The following ZBTB16 variants were observed in gnomAD, a reference collection of about 807,000 sequenced individuals.
ZBTB16 encodes the protein zinc finger and BTB domain containing 16, also known as zinc finger and BTB domain-containing protein 16.
A neutral mutation model predicts 56.8 loss-of-function variants in ZBTB16; 8 were observed. The ratio of observed to expected loss-of-function variants is 0.14; its 90% CI spans 0.08 to 0.25. The LOEUF (loss-of-function observed/expected upper bound fraction) is 0.25. ZBTB16 is among the 10% of genes least tolerant of loss of function. ZBTB16 has a pLI of 1.00. For missense variants in ZBTB16, 625 were observed against 903.0 expected, an observed-to-expected ratio of 0.69 and a Z score of 3.95; for synonymous variants, 363 against 368.5, an observed-to-expected ratio of 0.98 and a Z score of 0.17.
intron 2 of ZBTB16, among the ~76,000 whole-genome samples, chr11:114,084,017 G>A (rs902554738): frequency 3.9e-5 from 6 of 152,106 alleles, no homozygotes; most frequent in East Asian, 3.9e-4. Context: ...GCTTTAATCC[G>A]TTGGTGGAAG....
At chr11:114,138,944 GC>G (rs1374493350) in intron 2 of ZBTB16, among the ~76,000 whole-genome samples, 7 of 152,194 alleles carry the variant, frequency 4.6e-5, no homozygotes, top group Non-Finnish European at 8.8e-5. Context: ...ACCCGCTTCT[GC>G]CTCCCAAAGC....
rs148194400 is a variant in ZBTB16 at position 114,158,292 on chromosome 11, G to A, written c.1366+1858G>A. On this transcript the variant is annotated intron_variant, in intron 3 of 6. Coordinates refer to ENST00000335953, the MANE Select transcript of ZBTB16 (RefSeq NM_006006.6). ...CTTTGCCCTCTCAGCCGCAGTAAGCGTCCTTTCTTATTGCTCTTTCCTTGA... is the reference window on the plus strand; with the variant it reads ...CTTTGCCCTCTCAGCCGCAGTAAGCATCCTTTCTTATTGCTCTTTCCTTGA... 2.0e-3 allele frequency among the ~76,000 whole-genome samples: 301 copies of A among 152,222 alleles called. 1 individual carries two copies. Among genetic ancestry groups the A allele is most frequent in the Non-Finnish European group, 3.0e-3 (202 of 68,020 alleles).
chr11:114,109,657 A>G (rs934213654), intron 2 of ZBTB16, among the ~76,000 whole-genome samples: 2 of 151,064 alleles, frequency 1.3e-5, no homozygotes, highest in African/African-American at 4.9e-5. Flanking sequence ...AGGGATGAGC[A>G]ACTTGGGGGT....
chr11:114,134,457 A>G (rs1365611139), intron 2 of ZBTB16, among the ~76,000 whole-genome samples: 1 of 152,102 alleles, frequency 6.6e-6, no homozygotes, highest in Non-Finnish European at 1.5e-5. Flanking sequence ...TTAGAAGCTC[A>G]TTTGTCTCTT....
intron 2 of ZBTB16, among the ~76,000 whole-genome samples, chr11:114,118,065 T>A (rs238903): frequency 0.42 from 63,883 of 152,100 alleles, 13,582 homozygotes; most frequent in Admixed American, 0.48. Flanking sequence ...ACTGACTTAA[T>A]CACAGGACCC....
rs1441350415 is a variant in ZBTB16 at position 114,253,443 on chromosome 11, C to G, written c.*2888C>G. 2.0e-5 allele frequency among the ~76,000 whole-genome samples: 3 copies of G among 152,110 alleles called. No homozygotes were observed. The highest frequency in any genetic ancestry group is 4.4e-5 in the Non-Finnish European group (3 of 68,022). ...AAAAAATCCACCACCACCAAAATAT[C>G]CCTTTGTACATGTATGTGCGTGTGC... On this transcript the variant is annotated 3_prime_UTR_variant, in exon 7 of 7. Coordinates refer to ENST00000335953, the MANE Select transcript of ZBTB16 (RefSeq NM_006006.6).
intron 2 of ZBTB16, among the ~76,000 whole-genome samples, chr11:114,111,430 T>A (rs770097388): frequency 2.6e-5 from 4 of 152,060 alleles, no homozygotes; most frequent in Non-Finnish European, 5.9e-5. Context: ...TTTAAACCAA[T>A]AGAGAGAAAG....
intron 2 of ZBTB16, among the ~76,000 whole-genome samples, chr11:114,084,150 A>G (rs1025815308): frequency 4.6e-5 from 7 of 152,024 alleles, no homozygotes; most frequent in African/African-American, 1.7e-4. Flanking sequence ...TGGCTGTCTG[A>G]TTGCTCCCAG....
At chr11:114,204,932 G>T (rs992192295) in intron 4 of ZBTB16, among the ~76,000 whole-genome samples, 1 of 152,156 alleles carries the variant, frequency 6.6e-6, no homozygotes, top group African/African-American at 2.4e-5. Flanking sequence ...CTAATTTAAC[G>T]AATGGCACTG....
rs540277348 is a variant in ZBTB16 at position 114,247,146 on chromosome 11, G to A, written c.1625-52G>A. ...CACAGAATGTGCCCTACTGTCCCCT[G>A]AAGAGGGGGCAGGGAGAGGCAAAGG... On this transcript the variant is annotated intron_variant, in intron 5 of 6. Coordinates refer to ENST00000335953, the MANE Select transcript of ZBTB16 (RefSeq NM_006006.6). The A allele has an allele frequency of 2.5e-6, 4 of 1,612,754 alleles. No individual in the cohort carries two copies. In the South Asian group the frequency reaches 3.3e-5, roughly 13 times the overall value.
intron 2 of ZBTB16, among the ~76,000 whole-genome samples, chr11:114,070,251 GGCGCCCGCCACC>G: frequency 2.0e-5 from 3 of 151,438 alleles, no homozygotes; most frequent in Middle Eastern, 6.8e-3. Context: ...TGGGACTACA[GGCGCCCGCCACC>G]GCGCCCGGCT....
intron 4 of ZBTB16, among the ~76,000 whole-genome samples, chr11:114,232,540 C>G (rs1944459967): frequency 6.6e-6 from 1 of 152,108 alleles, no homozygotes; most frequent in Non-Finnish European, 1.5e-5. Context: ...AGGCACCTCT[C>G]TGCCAGAACG....
chr11:114,124,383 C>CT (rs1941431343), intron 2 of ZBTB16, among the ~76,000 whole-genome samples: 1 of 151,822 alleles, frequency 6.6e-6, no homozygotes, highest in Non-Finnish European at 1.5e-5. Context: ...AATGCTTCTC[C>CT]CACCCTCTAT....
rs532343933 is a variant in ZBTB16 at position 114,109,088 on chromosome 11, G to A, written c.1268+44520G>A. ...AGCTGAGACCTGGCACTGCAGGAGCGGAGGCTTTGGGGTCAGTCAGGTGGA... is the reference window on the plus strand; with the variant it reads ...AGCTGAGACCTGGCACTGCAGGAGCAGAGGCTTTGGGGTCAGTCAGGTGGA... On this transcript the variant is annotated intron_variant, in intron 2 of 6. Coordinates refer to ENST00000335953, the MANE Select transcript of ZBTB16 (RefSeq NM_006006.6). 2.0e-4 allele frequency among the ~76,000 whole-genome samples: 30 copies of A among 152,214 alleles called. 1 individual carries two copies. The highest frequency in any genetic ancestry group is 3.7e-4 in the Non-Finnish European group (25 of 68,026).
chr11:114,132,462 G>A (rs746406198), intron 2 of ZBTB16, among the ~76,000 whole-genome samples: 6 of 152,160 alleles, frequency 3.9e-5, no homozygotes, highest in Non-Finnish European at 5.9e-5. Flanking sequence ...AGGGACAATG[G>A]TAGCACCAGA....
At chr11:114,138,251 G>A (rs1045302861) in intron 2 of ZBTB16, among the ~76,000 whole-genome samples, 1 of 152,178 alleles carries the variant, frequency 6.6e-6, no homozygotes. Context: ...TTCGAGCTTG[G>A]TAGATGTAGA....
In ZBTB16 at chr11:114,256,636, C is replaced by G. The variant is rs556945872; in HGVS notation, c.*6081C>G. Among the ~76,000 whole-genome samples the G allele has an allele frequency of 2.4e-4, 36 of 152,040 alleles. No homozygotes were observed. In the South Asian group the frequency reaches 6.5e-3, roughly 27 times the overall value. ...CCACACAATCAAAGGTCCCTGCCTGCGTCTGTAGCAGCCAAGAGCTGTTAA... is the reference window on the plus strand; with the variant it reads ...CCACACAATCAAAGGTCCCTGCCTGGGTCTGTAGCAGCCAAGAGCTGTTAA... On this transcript the variant is annotated 3_prime_UTR_variant, in exon 7 of 7. Coordinates refer to ENST00000335953, the MANE Select transcript of ZBTB16 (RefSeq NM_006006.6).
At chr11:114,247,424 C>A in intron 6 of ZBTB16, 59 bp downstream of exon 6, 1 of 1,608,650 alleles carries the variant, frequency 6.2e-7, no homozygotes, top group South Asian at 1.1e-5. Flanking sequence ...AGGTGGGAAG[C>A]AGATAGTCTC....
intron 4 of ZBTB16, among the ~76,000 whole-genome samples, chr11:114,207,628 T>C (rs887151204): frequency 1.0e-4 from 14 of 135,336 alleles, no homozygotes; most frequent in Admixed American, 3.5e-4. Flanking sequence ...CACACACACA[T>C]ATTGAGGCAG....
Sources: gnomAD v4.1 joint callset for allele counts (sites outside exome capture counted in the v4.1 genomes callset) on GRCh38, gnomAD v4.1.1 for gene constraint, MANE v1.5 for transcripts, NCBI Gene and HGNC (gene_info 2026-07-23, HGNC 2026-07-21) for gene names.